Variants in ASB3 observed in about 807,000 individuals in gnomAD.
ASB3 encodes ankyrin repeat and SOCS box protein 3.
In ASB3, 41 loss-of-function variants were observed where a neutral mutation model predicts 54.5. The observed-to-expected ratio is 0.75, with a 90% CI of 0.59 to 0.98. ASB3 has a LOEUF of 0.98. ASB3 is among the 50% of genes least tolerant of loss of function. ASB3 has a pLI of 0.00. For synonymous variants in ASB3, 266 were observed against 221.2 expected, an observed-to-expected ratio of 1.20 and a Z score of -1.80; for missense variants, 733 against 620.0, an observed-to-expected ratio of 1.18 and a Z score of -1.94.
chr2:53,745,392 G>A (rs1016884646), intron 3 of ASB3, among the ~76,000 whole-genome samples: 4 of 152,176 alleles, frequency 2.6e-5, no homozygotes, highest in Admixed American at 6.5e-5. Flanking sequence ...CCCCTTTCTC[G>A]TGAGGTTTTC....
intron 3 of ASB3, among the ~76,000 whole-genome samples, chr2:53,745,738 G>C (rs943927102): frequency 6.6e-6 from 1 of 152,196 alleles, no homozygotes; most frequent in Non-Finnish European, 1.5e-5. Context: ...ATAGAGTATA[G>C]CTTCCCTTGA....
intron 7 of ASB3, among the ~76,000 whole-genome samples, chr2:53,708,854 C>T (rs1368184091): frequency 2.0e-5 from 3 of 152,188 alleles, no homozygotes; most frequent in Non-Finnish European, 4.4e-5. Context: ...GCAAAGCAGC[C>T]TGTCTGCTTG....
intron 9 of ASB3, among the ~76,000 whole-genome samples, chr2:53,673,873 A>G (rs1252866587): frequency 6.6e-6 from 1 of 152,244 alleles, no homozygotes; most frequent in Non-Finnish European, 1.5e-5. Flanking sequence ...GGCCTAATGA[A>G]CAATTAGAGG....
At chr2:53,723,913 C>G (rs1670848858) in intron 5 of ASB3, among the ~76,000 whole-genome samples, 1 of 152,102 alleles carries the variant, frequency 6.6e-6, no homozygotes, top group South Asian at 2.1e-4. Flanking sequence ...CCCTATCTTT[C>G]ACTATATACA....
chr2:53,750,329 T>G (rs1370895480), intron 3 of ASB3, among the ~76,000 whole-genome samples: 1 of 152,006 alleles, frequency 6.6e-6, no homozygotes, highest in East Asian at 1.9e-4. Flanking sequence ...ACAGAAGAGG[T>G]CTGAATTAAA....
At chr2:53,713,415 G>A (rs536339857) in intron 7 of ASB3, among the ~76,000 whole-genome samples, 3 of 152,132 alleles carry the variant, frequency 2.0e-5, no homozygotes, top group Non-Finnish European at 4.4e-5. Flanking sequence ...TGGATGACCA[G>A]ATATTACTCA....
At chr2:53,712,689 A>G (rs1670166079) in intron 7 of ASB3, among the ~76,000 whole-genome samples, 8 of 152,182 alleles carry the variant, frequency 5.3e-5, no homozygotes, top group Admixed American at 5.2e-4. Context: ...GAAGGACCAA[A>G]AACATTGTTC....
chr2:53,737,789 G>C (rs545397840), intron 3 of ASB3, among the ~76,000 whole-genome samples: 1 of 147,246 alleles, frequency 6.8e-6, no homozygotes, highest in South Asian at 2.2e-4. Flanking sequence ...AAAATTTCGA[G>C]AACACTTTGA....
chr2:53,771,170 C>T (rs2104143872), intron 1 of ASB3, among the ~76,000 whole-genome samples: 1 of 152,298 alleles, frequency 6.6e-6, no homozygotes, highest in East Asian at 1.9e-4. Flanking sequence ...ATTTGAAAGT[C>T]ACTTCCCTAT....
chr2:53,719,159 G>A (rs1670561082), intron 5 of ASB3, among the ~76,000 whole-genome samples: 2 of 152,212 alleles, frequency 1.3e-5, no homozygotes, highest in South Asian at 2.1e-4. Flanking sequence ...TCTTGACCTC[G>A]TGATCCACCC....
chr2:53,761,510 T>C (rs776231963), intron 2 of ASB3, among the ~76,000 whole-genome samples: 2 of 152,116 alleles, frequency 1.3e-5, no homozygotes, highest in African/African-American at 4.8e-5. Flanking sequence ...GAGATCCTGA[T>C]CCTCAGGCCT....
intron 5 of ASB3, among the ~76,000 whole-genome samples, chr2:53,720,081 G>A (rs539600350): frequency 1.7e-4 from 26 of 151,480 alleles, no homozygotes; most frequent in Non-Finnish European, 3.4e-4. Flanking sequence ...TCATCCCTCT[G>A]CTCACTGGGA....
Position 53,670,494 on chromosome 2 carries a change from T to G in ASB3, c.*9A>C. On this transcript the variant is annotated 3_prime_UTR_variant, in exon 10 of 10. Coordinates refer to ENST00000263634, the MANE Select transcript of ASB3 (RefSeq NM_016115.5). Reference sequence around the variant, plus strand: ...AAAAAAATTAGCTGTGTTAAGTAGTTTCACTGATTTATCCATCTTGAATAG... The same window carrying G: ...AAAAAAATTAGCTGTGTTAAGTAGTGTCACTGATTTATCCATCTTGAATAG... The G allele has an allele frequency of 3.7e-6, 6 of 1,611,242 alleles. No homozygotes were observed. The highest frequency in any genetic ancestry group is 5.1e-6 in the Non-Finnish European group (6 of 1,179,454).
intron 3 of ASB3, among the ~76,000 whole-genome samples, chr2:53,731,527 CA>C (rs1010371134): frequency 2.6e-5 from 4 of 152,172 alleles, no homozygotes; most frequent in Non-Finnish European, 5.9e-5. Context: ...AGTTAATATT[CA>C]AAAGCATTTA....
chr2:53,692,376 G>A (rs1181475770), intron 9 of ASB3, among the ~76,000 whole-genome samples: 2 of 152,130 alleles, frequency 1.3e-5, no homozygotes, highest in African/African-American at 4.8e-5. Flanking sequence ...TGGGATAAAT[G>A]AGACTGGAAA....
At chr2:53,740,133 A>T (rs1347388611) in intron 3 of ASB3, among the ~76,000 whole-genome samples, 1 of 152,166 alleles carries the variant, frequency 6.6e-6, no homozygotes, top group Non-Finnish European at 1.5e-5. Flanking sequence ...TCAATTTTAC[A>T]TTTGAATTAT....
At chr2:53,694,069 T>A in intron 8 of ASB3, 55 bp from the exon 9 acceptor site, 1 of 1,592,004 alleles carries the variant, frequency 6.3e-7, no homozygotes, top group African/African-American at 1.3e-5. Context: ...CAAGGGTTCG[T>A]ACTTGAAACA....
At chr2:53,731,118 TCCA>T (rs1253829513) in intron 3 of ASB3, among the ~76,000 whole-genome samples, 1 of 152,132 alleles carries the variant, frequency 6.6e-6, no homozygotes, top group African/African-American at 2.4e-5. Context: ...TAAAAAATTC[TCCA>T]CCGAGTGTGG....
chr2:53,730,762 A>G (rs1671262277), intron 3 of ASB3, among the ~76,000 whole-genome samples: 1 of 152,186 alleles, frequency 6.6e-6, no homozygotes, highest in Non-Finnish European at 1.5e-5. Flanking sequence ...ATGGTATCTC[A>G]TCGTGGTTTT....
Sources: gnomAD v4.1 joint callset for allele counts (sites outside exome capture counted in the v4.1 genomes callset) on GRCh38, gnomAD v4.1.1 for gene constraint, MANE v1.5 for transcripts, NCBI Gene and HGNC (gene_info 2026-07-23, HGNC 2026-07-21) for gene names.